Variants in ADARB2 observed in about 807,000 individuals in gnomAD.
ADARB2 encodes adenosine deaminase RNA specific B2 (inactive).
A neutral mutation model predicts 62.2 loss-of-function variants in ADARB2; 25 were observed. That is an observed-to-expected ratio of 0.40 (90% CI 0.29 to 0.56). ADARB2 has a LOEUF of 0.56. Ranked by LOEUF, ADARB2 falls within the 20% of genes least tolerant of loss-of-function variation. ADARB2 has a pLI of 0.43. For missense variants in ADARB2, 1,071 were observed against 1,077.4 expected (o/e 0.99, Z 0.08); for synonymous variants, 572 against 500.8 (o/e 1.14, Z -1.90).
chr10:1,693,531 A>C (rs1834699951), intron 1 of ADARB2, among the ~76,000 whole-genome samples: 1 of 152,252 alleles, frequency 6.6e-6, no homozygotes, highest in Non-Finnish European at 1.5e-5. Flanking sequence ...GATATAATTT[A>C]GAATTACTTC....
At chr10:1,306,355 A>T (rs1254013279) in intron 3 of ADARB2, among the ~76,000 whole-genome samples, 1 of 151,898 alleles carries the variant, frequency 6.6e-6, no homozygotes. Flanking sequence ...CTTACAAGGG[A>T]TGTGAAGGAC....
At chr10:1,614,440 C>T (rs1833605897) in intron 1 of ADARB2, among the ~76,000 whole-genome samples, 1 of 152,162 alleles carries the variant, frequency 6.6e-6, no homozygotes, top group Non-Finnish European at 1.5e-5. Context: ...AATTAAGGAT[C>T]AATTTCTGAA....
intron 3 of ADARB2, among the ~76,000 whole-genome samples, chr10:1,330,880 A>G (rs1474578255): frequency 6.6e-6 from 1 of 152,236 alleles, no homozygotes; most frequent in Non-Finnish European, 1.5e-5. Context: ...ACATTCTCCT[A>G]TGTCTGATAA....
intron 7 of ADARB2, among the ~76,000 whole-genome samples, chr10:1,203,404 A>G (rs1374967406): frequency 6.6e-6 from 1 of 152,248 alleles, no homozygotes; most frequent in Admixed American, 6.5e-5. Context: ...GGCAGGGAAC[A>G]GGACCGCCCT....
intron 1 of ADARB2, among the ~76,000 whole-genome samples, chr10:1,410,405 G>A (rs1332276243): frequency 1.3e-5 from 2 of 152,190 alleles, no homozygotes; most frequent in Non-Finnish European, 2.9e-5. Context: ...TATCAGGGAT[G>A]GAAAGGTTTG....
At chr10:1,669,755 C>A (rs550122290) in intron 1 of ADARB2, among the ~76,000 whole-genome samples, 13 of 151,300 alleles carry the variant, frequency 8.6e-5, no homozygotes, top group Admixed American at 8.6e-4. Flanking sequence ...CACAGACACA[C>A]TCATAGAGAA....
At chr10:1,636,930 C>T (rs1833923960) in intron 1 of ADARB2, among the ~76,000 whole-genome samples, 2 of 148,994 alleles carry the variant, frequency 1.3e-5, no homozygotes, top group South Asian at 2.1e-4. Context: ...TATAATATCT[C>T]TCTCTATATA....
At chr10:1,266,124 G>C (rs1831197007) in intron 4 of ADARB2, among the ~76,000 whole-genome samples, 1 of 151,908 alleles carries the variant, frequency 6.6e-6, no homozygotes, top group Admixed American at 6.5e-5. Context: ...CCTGAGCCAG[G>C]TCCACGCTCT....
intron 1 of ADARB2, among the ~76,000 whole-genome samples, chr10:1,633,736 T>C (rs1001468313): frequency 6.6e-6 from 1 of 152,182 alleles, no homozygotes; most frequent in Non-Finnish European, 1.5e-5. Context: ...TATTTTCACA[T>C]GAAATTTTGT....
chr10:1,199,787 A>G (rs930426536), intron 8 of ADARB2, 179 bp downstream of exon 8: 12 of 647,728 alleles, frequency 1.9e-5, no homozygotes, highest in Non-Finnish European at 2.8e-5. Flanking sequence ...TGCTATATGC[A>G]GAGAGATGCT....
chr10:1,245,337 TTTTC>T (rs1413916830), intron 4 of ADARB2, among the ~76,000 whole-genome samples: 2 of 152,094 alleles, frequency 1.3e-5, no homozygotes, highest in African/African-American at 4.8e-5. Flanking sequence ...TGTTTTTTCT[TTTTC>T]TTTTTTATTA....
At chr10:1,686,201 C>T (rs148534964) in intron 1 of ADARB2, among the ~76,000 whole-genome samples, 7 of 152,272 alleles carry the variant, frequency 4.6e-5, no homozygotes, top group East Asian at 1.9e-4. Flanking sequence ...AATTTCAGGG[C>T]GGTGCTGATA....
intron 1 of ADARB2, among the ~76,000 whole-genome samples, chr10:1,551,543 C>T (rs751238302): frequency 1.6e-4 from 25 of 152,216 alleles, no homozygotes; most frequent in Non-Finnish European, 1.5e-4. Context: ...CCTCTGCCCG[C>T]CCTTCCTGCC....
intron 4 of ADARB2, among the ~76,000 whole-genome samples, chr10:1,262,545 C>T (rs1377345021): frequency 1.4e-5 from 2 of 141,410 alleles, no homozygotes; most frequent in Non-Finnish European, 3.2e-5. Context: ...TGCTCATCAT[C>T]ACTGGCTATC....
At chr10:1,583,503 C>T (rs939853359) in intron 1 of ADARB2, among the ~76,000 whole-genome samples, 1 of 152,164 alleles carries the variant, frequency 6.6e-6, no homozygotes, top group Non-Finnish European at 1.5e-5. Context: ...ACTCAGCCCA[C>T]CCCCAAGTCA....
At chr10:1,221,832 G>A (rs570871459) in intron 6 of ADARB2, among the ~76,000 whole-genome samples, 199 of 152,246 alleles carry the variant, frequency 1.3e-3, no homozygotes, top group African/African-American at 4.5e-3. Context: ...TGGACATTTA[G>A]GTTGGTTCCA....
At chr10:1,275,752 C>T (rs887044065) in intron 3 of ADARB2, among the ~76,000 whole-genome samples, 12 of 148,390 alleles carry the variant, frequency 8.1e-5, no homozygotes, top group South Asian at 4.3e-4. Flanking sequence ...TGAGAACATG[C>T]AGTGTTTGGT....
rs534779816 is a variant in ADARB2, at chr10:1,351,768, C to T, written c.1077+11260G>A. ...AAAAGGATTAAAGTCTGTTATCACT[C>T]GCCTGCTACAGCATGGCCTTTTAAA... On this transcript the variant is annotated intron_variant, in intron 3 of 9. Coordinates refer to ENST00000381312, the MANE Select transcript of ADARB2 (RefSeq NM_018702.4). 3.3e-5 allele frequency among the ~76,000 whole-genome samples: 5 copies of T among 152,218 alleles called. No homozygotes were observed. In the East Asian group the frequency reaches 5.8e-4, roughly 18 times the overall value.
chr10:1,569,970 T>C (rs1303934466), intron 1 of ADARB2, among the ~76,000 whole-genome samples: 11 of 152,204 alleles, frequency 7.2e-5, no homozygotes, highest in Non-Finnish European at 1.6e-4. Flanking sequence ...GTTTTCTTCC[T>C]TGAATATATT....
Sources: gnomAD v4.1 joint callset for allele counts (sites outside exome capture counted in the v4.1 genomes callset) on GRCh38, gnomAD v4.1.1 for gene constraint, MANE v1.5 for transcripts, NCBI Gene and HGNC (gene_info 2026-07-23, HGNC 2026-07-21) for gene names.